Variants in PHKB observed in about 807,000 individuals in gnomAD.
PHKB encodes phosphorylase kinase regulatory subunit beta, also known as phosphorylase b kinase regulatory subunit beta.
A neutral mutation model predicts 152.1 loss-of-function variants in PHKB; 122 were observed. The ratio of observed to expected loss-of-function variants is 0.80; its 90% CI spans 0.69 to 0.93. The LOEUF is 0.93. Ranked by LOEUF, PHKB falls within the 40% of genes least tolerant of loss-of-function variation. PHKB has a pLI of 0.00. For synonymous variants in PHKB, 436 were observed against 464.9 expected (o/e 0.94, Z 0.80); for missense variants, 1,304 against 1,328.4 (o/e 0.98, Z 0.29).
intron 4 of PHKB, among the ~76,000 whole-genome samples, chr16:47,511,167 G>T (rs1332869767): frequency 2.0e-5 from 3 of 152,174 alleles, no homozygotes; most frequent in Non-Finnish European, 4.4e-5. Flanking sequence ...AAGGGGAAAT[G>T]AAAGCATGTT....
chr16:47,489,853 A>C (rs1290748193), intron 1 of PHKB, among the ~76,000 whole-genome samples: 2 of 152,212 alleles, frequency 1.3e-5, no homozygotes, highest in Non-Finnish European at 2.9e-5. Context: ...GCTGCAAAAG[A>C]AAAATGGATT....
chr16:47,667,530 C>T (rs1207810069), intron 25 of PHKB, among the ~76,000 whole-genome samples: 1 of 152,014 alleles, frequency 6.6e-6, no homozygotes, highest in African/African-American at 2.4e-5. Flanking sequence ...GAATTTTTAT[C>T]CCTGTTTGTT....
At chr16:47,529,891 T>TAGTGTAACTCATTTAATGTAATG (rs1970831850) in intron 6 of PHKB, 4 of 152,296 alleles carry the variant, frequency 2.6e-5, no homozygotes, top group African/African-American at 9.6e-5. Flanking sequence ...GGAACATCCG[T>TAGTGTAACTCATTTAATGTAATG]TAGTGTAACT....
In PHKB at chr16:47,663,630, T is replaced by A. The variant is rs1029695599; in HGVS notation, c.2279-47T>A. 4.0e-6 allele frequency: 6 copies of A among 1,507,078 alleles called. No homozygotes were observed. The African/African-American group carries it at 6.9e-5, about 17-fold the overall frequency. 93.4% of individuals were successfully genotyped at this position (1,507,078 alleles called of 1,614,324 possible). A position where few individuals can be genotyped will look rare whatever the true frequency, so the allele number is the denominator to read the frequency against. On this transcript the variant is annotated intron_variant, in intron 23 of 30. Transcript: ENST00000323584. ...TTTAAGAGGAATAAATGTTGTGCAT[T>A]TAATTAAAAGCTTTGTTCAACAAAG...
chr16:47,681,870 G>C (rs1330375562), intron 26 of PHKB, among the ~76,000 whole-genome samples: 5 of 152,126 alleles, frequency 3.3e-5, no homozygotes, highest in Admixed American at 3.3e-4. Context: ...TTGCCTTGAT[G>C]GTCTTTACAT....
At chr16:47,530,821 A>T (rs184413806) in intron 6 of PHKB, among the ~76,000 whole-genome samples, 1 of 152,252 alleles carries the variant, frequency 6.6e-6, no homozygotes, top group Non-Finnish European at 1.5e-5. Flanking sequence ...AAATATTAGC[A>T]TAAATAATGT....
intron 4 of PHKB, among the ~76,000 whole-genome samples, chr16:47,507,707 T>G (rs1970444550): frequency 6.6e-6 from 1 of 152,174 alleles, no homozygotes; most frequent in Non-Finnish European, 1.5e-5. Flanking sequence ...ATTATTTCTT[T>G]CCTATGTAGC....
chr16:47,500,713 G>A (rs1970310873), intron 3 of PHKB, among the ~76,000 whole-genome samples: 1 of 150,478 alleles, frequency 6.6e-6, no homozygotes. Context: ...AAAAAAAAAA[G>A]AAATAGTTAG....
At chr16:47,491,473 C>T (rs1343141785) in intron 1 of PHKB, among the ~76,000 whole-genome samples, 2 of 152,056 alleles carry the variant, frequency 1.3e-5, no homozygotes, top group Non-Finnish European at 2.9e-5. Flanking sequence ...TGTTATTTCC[C>T]AAAGATTAAA....
At chr16:47,682,739 G>T (rs551974651) in intron 26 of PHKB, among the ~76,000 whole-genome samples, 1 of 152,058 alleles carries the variant, frequency 6.6e-6, no homozygotes, top group African/African-American at 2.4e-5. Flanking sequence ...TAGTTTGATC[G>T]TCTGAAGCCT....
intron 4 of PHKB, among the ~76,000 whole-genome samples, chr16:47,508,436 C>G (rs538051864): frequency 9.4e-4 from 143 of 152,198 alleles, no homozygotes; most frequent in Middle Eastern, 3.4e-3. Flanking sequence ...CTGTATCTAT[C>G]TACTGAAAAT....
intron 16 of PHKB, 93 bp downstream of exon 16, chr16:47,641,785 T>C: frequency 1.3e-6 from 1 of 755,818 alleles, no homozygotes; most frequent in Non-Finnish European, 2.4e-6. Context: ...ACAGTTAAAA[T>C]CTGATTCTGA....
chr16:47,701,040 CT>C lies in PHKB; in HGVS notation c.*1675del, dbSNP rs1416183438. ...CAAAGAATAGAATTAAACTACTTGA[CT>C]CAATATGTTAAGAGAGTTTATGAAA... On this transcript the variant is annotated 3_prime_UTR_variant, in exon 31 of 31. Coordinates refer to ENST00000323584, the MANE Select transcript of PHKB (RefSeq NM_000293.3). The C allele has an allele frequency of 6.6e-6, 1 of 151,950 alleles. No individual in the cohort carries two copies. The highest frequency in any genetic ancestry group is 1.5e-5 in the Non-Finnish European group (1 of 68,004). 9.4% of individuals were successfully genotyped at this position (151,950 alleles called of 1,614,324 possible). A position where few individuals can be genotyped will look rare whatever the true frequency, so the allele number is the denominator to read the frequency against.
At chr16:47,482,597 G>T (rs971124097) in intron 1 of PHKB, among the ~76,000 whole-genome samples, 1 of 152,152 alleles carries the variant, frequency 6.6e-6, no homozygotes, top group Non-Finnish European at 1.5e-5. Context: ...AATGGTTTGG[G>T]TCTATTTTTC....
chr16:47,564,296 G>A (rs1468685713), intron 7 of PHKB, among the ~76,000 whole-genome samples: 3 of 151,940 alleles, frequency 2.0e-5, no homozygotes, highest in African/African-American at 7.3e-5. Context: ...CCCATCAATA[G>A]TGTATAAGTG....
At chr16:47,599,011 C>T (rs1972173176) in intron 13 of PHKB, 2 of 832,020 alleles carry the variant, frequency 2.4e-6, no homozygotes, top group East Asian at 4.9e-5. Flanking sequence ...CCTGACAGCG[C>T]CAACGATTCG....
At chr16:47,523,607 T>C (rs1970719896) in intron 6 of PHKB, among the ~76,000 whole-genome samples, 1 of 152,228 alleles carries the variant, frequency 6.6e-6, no homozygotes, top group Non-Finnish European at 1.5e-5. Flanking sequence ...AGCTCAGGTC[T>C]TTACTTACTA....
At chr16:47,598,190 C>T (rs1390737308) in intron 13 of PHKB, among the ~76,000 whole-genome samples, 1 of 152,106 alleles carries the variant, frequency 6.6e-6, no homozygotes, top group African/African-American at 2.4e-5. Context: ...TCACCAGCCA[C>T]TTGTGCTATT....
chr16:47,555,818 G>T (rs556475831), intron 7 of PHKB, among the ~76,000 whole-genome samples: 3 of 152,132 alleles, frequency 2.0e-5, no homozygotes, highest in African/African-American at 4.8e-5. Flanking sequence ...GAAGAAAGTC[G>T]TTGGTAGCTT....
Sources: gnomAD v4.1 joint callset for allele counts (sites outside exome capture counted in the v4.1 genomes callset) on GRCh38, gnomAD v4.1.1 for gene constraint, MANE v1.5 for transcripts, NCBI Gene and HGNC (gene_info 2026-07-23, HGNC 2026-07-21) for gene names.